The following PTPRM variants were observed in gnomAD, a reference collection of about 807,000 sequenced individuals.
The protein encoded by PTPRM is receptor-type tyrosine-protein phosphatase mu.
In PTPRM, 47 loss-of-function variants were observed where a neutral mutation model predicts 186.7. The observed-to-expected ratio is 0.25, with a 90% CI of 0.20 to 0.32. The LOEUF (loss-of-function observed/expected upper bound fraction) is 0.32, where lower values mean the gene tolerates loss of function less well. PTPRM is among the 10% of genes least tolerant of loss of function. The probability of loss-of-function intolerance (pLI) is 1.00; values close to 1 mark genes in which losing one functional copy is unlikely to be tolerated. For synonymous variants in PTPRM, 668 were observed against 674.9 expected, an observed-to-expected ratio of 0.99 and a Z score of 0.16; for missense variants, 1,494 against 1,865.0, an observed-to-expected ratio of 0.80 and a Z score of 3.66.
chr18:8,398,744 T>C (rs1410893162), intron 32 of PTPRM, among the ~76,000 whole-genome samples: 2 of 143,398 alleles, frequency 1.4e-5, no homozygotes, highest in Non-Finnish European at 3.0e-5. Flanking sequence ...CACTCTAGCC[T>C]AGGTAACAGA....
At chr18:8,027,195 A>G (rs576516611) in intron 7 of PTPRM, among the ~76,000 whole-genome samples, 67 of 152,348 alleles carry the variant, frequency 4.4e-4, no homozygotes, top group African/African-American at 1.6e-3. Context: ...ATACTGTAAA[A>G]GTTAATTAAG....
At chr18:8,031,145 A>G (rs2085940025) in intron 7 of PTPRM, among the ~76,000 whole-genome samples, 1 of 152,186 alleles carries the variant, frequency 6.6e-6, no homozygotes, top group African/African-American at 2.4e-5. Context: ...CGTGTTGTAT[A>G]GGCTATTCGG....
chr18:7,779,652 T>C (rs1364202595), intron 2 of PTPRM, among the ~76,000 whole-genome samples: 1 of 152,206 alleles, frequency 6.6e-6, no homozygotes, highest in Non-Finnish European at 1.5e-5. Flanking sequence ...ATTCAGGTCT[T>C]AGAGAGTAAC....
chr18:8,392,426 T>C (rs34098486), intron 31 of PTPRM, among the ~76,000 whole-genome samples: 8,746 of 151,970 alleles, frequency 0.058, 309 homozygotes, highest in African/African-American at 0.074. Flanking sequence ...AGATTGAGAC[T>C]ATCCTGGCTA....
intron 1 of PTPRM, among the ~76,000 whole-genome samples, chr18:7,658,820 T>C (rs1293230300): frequency 6.6e-6 from 1 of 152,200 alleles, no homozygotes; most frequent in African/African-American, 2.4e-5. Context: ...TTTTGGCCGC[T>C]TGTTTTGGTT....
chr18:7,795,499 A>G (rs1598750395), intron 2 of PTPRM, among the ~76,000 whole-genome samples: 1 of 151,604 alleles, frequency 6.6e-6, no homozygotes, highest in Admixed American at 6.6e-5. Flanking sequence ...ATATTGGAGT[A>G]CCCAGAGAAG....
At chr18:8,232,456 G>A (rs1188485128) in intron 14 of PTPRM, among the ~76,000 whole-genome samples, 1 of 152,206 alleles carries the variant, frequency 6.6e-6, no homozygotes, top group Non-Finnish European at 1.5e-5. Flanking sequence ...AATCCTTTGG[G>A]TAAATAGCAA....
intron 1 of PTPRM, among the ~76,000 whole-genome samples, chr18:7,689,664 G>A (rs935822604): frequency 6.6e-6 from 1 of 152,176 alleles, no homozygotes; most frequent in Non-Finnish European, 1.5e-5. Flanking sequence ...ATGGGAACTT[G>A]AAATTAACAA....
chr18:7,758,832 A>G (rs996252171), intron 1 of PTPRM, among the ~76,000 whole-genome samples: 1 of 152,200 alleles, frequency 6.6e-6, no homozygotes, highest in Non-Finnish European at 1.5e-5. Context: ...TCCCAACCCC[A>G]GAATTTTTGA....
intron 22 of PTPRM, among the ~76,000 whole-genome samples, chr18:8,334,808 G>T (rs2095429952): frequency 6.6e-6 from 1 of 152,118 alleles, no homozygotes; most frequent in Admixed American, 6.5e-5. Flanking sequence ...ATGCAGGAGA[G>T]CTCAGTGGGA....
intron 1 of PTPRM, among the ~76,000 whole-genome samples, chr18:7,755,976 CCT>C (rs1439433216): frequency 3.9e-5 from 6 of 152,170 alleles, no homozygotes; most frequent in Non-Finnish European, 7.3e-5. Flanking sequence ...GTCTTCATTT[CCT>C]CTGTTGTATC....
chr18:7,618,648 G>A lies in PTPRM; in HGVS notation c.73+50757G>A, dbSNP rs1460675807. On this transcript the variant is annotated intron_variant, in intron 1 of 32. Coordinates refer to ENST00000580170, the MANE Select transcript of PTPRM (RefSeq NM_001105244.2). Reference sequence around the variant, plus strand: ...TCTCAGTTCTGCAGCACCTTTCCTCGTTCTTCTTTTCATAGTTTGTACCCT... The same window carrying A: ...TCTCAGTTCTGCAGCACCTTTCCTCATTCTTCTTTTCATAGTTTGTACCCT... Among the ~76,000 whole-genome samples, 4 of 152,004 alleles carry A rather than the reference G, an allele frequency of 2.6e-5. No homozygotes were observed. In the South Asian group the frequency reaches 8.3e-4, roughly 32 times the overall value.
rs1010916082 is a variant in PTPRM at position 7,568,486 on chromosome 18, TG to T, written c.73+601del. ...GGTCGTGCAGCGTCTGCGGAGAGGC[TG>T]GGGGGAGTTCCTCGCCGGTCCCAGC... On this transcript the variant is annotated intron_variant, in intron 1 of 32. Transcript: ENST00000580170. This position sits in a 1 kb window ranked among gnomAD's most constrained non-coding sequence, Gnocchi z 5.1. Among the ~76,000 whole-genome samples, 1 of 151,806 alleles carries T rather than the reference TG, an allele frequency of 6.6e-6. No individual in the cohort carries two copies. The highest frequency in any genetic ancestry group is 1.5e-5 in the Non-Finnish European group (1 of 67,886).
At chr18:7,815,902 C>T (rs1039659479) in intron 2 of PTPRM, among the ~76,000 whole-genome samples, 1 of 152,148 alleles carries the variant, frequency 6.6e-6, no homozygotes, top group African/African-American at 2.4e-5. Context: ...GAAACGGCTG[C>T]CCTCATGTAG....
At chr18:7,819,293 A>G (rs2045034614) in intron 2 of PTPRM, among the ~76,000 whole-genome samples, 2 of 152,200 alleles carry the variant, frequency 1.3e-5, no homozygotes, top group South Asian at 2.1e-4. Flanking sequence ...TCCTGTGCCT[A>G]TAAAAACTAT....
At chr18:7,735,974 A>G (rs1402983978) in intron 1 of PTPRM, among the ~76,000 whole-genome samples, 1 of 152,094 alleles carries the variant, frequency 6.6e-6, no homozygotes, top group Non-Finnish European at 1.5e-5. Context: ...CCCTGGCCAA[A>G]ATATGTAGTA....
intron 14 of PTPRM, among the ~76,000 whole-genome samples, chr18:8,224,811 G>A (rs549174049): frequency 3.7e-4 from 57 of 152,084 alleles, no homozygotes; most frequent in Non-Finnish European, 6.3e-4. Context: ...GTCATTTAAC[G>A]CGTCCCTCAG....
Position 7,801,904 on chromosome 18 carries a change from T to C in PTPRM, c.196+27633T>C, listed in dbSNP as rs537232578. Among the ~76,000 whole-genome samples, 3 of 152,340 alleles carry C rather than the reference T, an allele frequency of 2.0e-5. No individual in the cohort carries two copies. The East Asian group carries it at 5.8e-4, about 29-fold the overall frequency. On this transcript the variant is annotated intron_variant, in intron 2 of 32. Coordinates refer to ENST00000580170, the MANE Select transcript of PTPRM (RefSeq NM_001105244.2). ...GGTAGCCACTAGGTGCATATGACCATTGAACATGAAACCTGGCTAGCATCA... is the reference window on the plus strand; with the variant it reads ...GGTAGCCACTAGGTGCATATGACCACTGAACATGAAACCTGGCTAGCATCA...
At chr18:7,767,120 G>A (rs2042050012) in intron 1 of PTPRM, among the ~76,000 whole-genome samples, 1 of 152,158 alleles carries the variant, frequency 6.6e-6, no homozygotes, top group Non-Finnish European at 1.5e-5. Context: ...GTTCCCCTTA[G>A]ACTGTGTGGC....
Sources: gnomAD v4.1 joint callset for allele counts (sites outside exome capture counted in the v4.1 genomes callset) on GRCh38, gnomAD v4.1.1 for gene constraint, Gnocchi (gnomAD v3.1) non-coding constraint, MANE v1.5 for transcripts, NCBI Gene and HGNC (gene_info 2026-07-23, HGNC 2026-07-21) for gene names.